The following NDST3 variants were observed in gnomAD, a reference collection of about 807,000 sequenced individuals.
NDST3 encodes bifunctional heparan sulfate N-deacetylase/N-sulfotransferase 3.
NDST3 carries 58 observed loss-of-function variants against 96.1 expected under a neutral mutation model. The observed-to-expected ratio is 0.60, with a 90% CI of 0.49 to 0.75. NDST3 has a LOEUF of 0.75. NDST3 is among the 30% of genes least tolerant of loss of function. The pLI, the probability that NDST3 is intolerant of heterozygous loss-of-function variation, is 0.00. For synonymous variants in NDST3, 333 were observed against 359.7 expected, an observed-to-expected ratio of 0.93 and a Z score of 0.84; for missense variants, 788 against 1,034.2, an observed-to-expected ratio of 0.76 and a Z score of 3.27.
intron 4 of NDST3, among the ~76,000 whole-genome samples, chr4:118,116,851 C>T (rs190276113): frequency 2.4e-4 from 36 of 151,308 alleles, no homozygotes; most frequent in Admixed American, 2.2e-3. Context: ...CAGCCAGACT[C>T]CCTCTCAAAA....
intron 2 of NDST3, among the ~76,000 whole-genome samples, chr4:118,074,749 A>T (rs1727361451): frequency 6.6e-6 from 1 of 152,094 alleles, no homozygotes; most frequent in South Asian, 2.1e-4. Flanking sequence ...TTCAAGGTTA[A>T]TACTGATATG....
chr4:118,091,365 C>G (rs573478274), intron 2 of NDST3, among the ~76,000 whole-genome samples: 1 of 151,654 alleles, frequency 6.6e-6, no homozygotes, highest in Non-Finnish European at 1.5e-5. Flanking sequence ...GCAGATAAAC[C>G]ATAAGATCCC....
chr4:118,084,418 TTTTGTA>T (rs1181936859), intron 2 of NDST3, among the ~76,000 whole-genome samples: 2 of 152,194 alleles, frequency 1.3e-5, no homozygotes, highest in Non-Finnish European at 2.9e-5. Context: ...AAATGCCCCT[TTTTGTA>T]CCAAAGCCTA....
intron 6 of NDST3, among the ~76,000 whole-genome samples, chr4:118,182,833 T>C (rs1360704797): frequency 6.6e-6 from 1 of 152,222 alleles, no homozygotes; most frequent in Non-Finnish European, 1.5e-5. Flanking sequence ...AACAGAAGTC[T>C]GGTAAGAACT....
At chr4:118,058,879 G>T (rs371068785) in intron 2 of NDST3, among the ~76,000 whole-genome samples, 4 of 151,980 alleles carry the variant, frequency 2.6e-5, no homozygotes, top group African/African-American at 9.7e-5. Flanking sequence ...TCTTTTAGGC[G>T]CATTAACTCA....
intron 6 of NDST3, among the ~76,000 whole-genome samples, chr4:118,183,805 A>C (rs1213948242): frequency 1.3e-5 from 2 of 152,204 alleles, no homozygotes; most frequent in Non-Finnish European, 2.9e-5. Context: ...ACATCCTCTT[A>C]ATCGTAAATT....
At chr4:118,135,758 T>G (rs1733028351) in intron 4 of NDST3, among the ~76,000 whole-genome samples, 1 of 152,156 alleles carries the variant, frequency 6.6e-6, no homozygotes, top group Non-Finnish European at 1.5e-5. Context: ...GGTGTGCTGG[T>G]GTGCATTTGT....
intron 6 of NDST3, among the ~76,000 whole-genome samples, chr4:118,145,311 AT>A (rs1224324676): frequency 6.6e-6 from 1 of 152,236 alleles, no homozygotes; most frequent in African/African-American, 2.4e-5. Flanking sequence ...ACTTTAATCT[AT>A]CATCTGTAAA....
At chr4:118,247,842 A>G (rs1193788453) in intron 12 of NDST3, among the ~76,000 whole-genome samples, 1 of 152,222 alleles carries the variant, frequency 6.6e-6, no homozygotes, top group African/African-American at 2.4e-5. Context: ...CTGATTTTAA[A>G]AAACTGCAAT....
chr4:118,103,170 A>G (rs1262404479), intron 2 of NDST3, among the ~76,000 whole-genome samples: 1 of 152,196 alleles, frequency 6.6e-6, no homozygotes, highest in African/African-American at 2.4e-5. Context: ...GTTTGAACAA[A>G]AAGAAAGGCA....
chr4:118,201,380 A>G (rs1370650649), intron 6 of NDST3, among the ~76,000 whole-genome samples: 4 of 152,182 alleles, frequency 2.6e-5, no homozygotes, highest in African/African-American at 7.2e-5. Context: ...CACAGTGGCT[A>G]AACTAATTTA....
chr4:118,237,667 A>C (rs1740731818), intron 10 of NDST3, among the ~76,000 whole-genome samples: 1 of 152,200 alleles, frequency 6.6e-6, no homozygotes, highest in South Asian at 2.1e-4. Flanking sequence ...AAGCAGCCAT[A>C]GACAATATGT....
intron 2 of NDST3, among the ~76,000 whole-genome samples, chr4:118,085,388 T>C (rs1404099029): frequency 6.6e-6 from 1 of 152,176 alleles, no homozygotes; most frequent in African/African-American, 2.4e-5. Context: ...AATTCCTCTA[T>C]AATCTTTATA....
At position 118,192,806 on chromosome 4, in the gene NDST3, G is replaced by A. The variant is rs116585668; in HGVS notation, c.1540-31685G>A. ...TTCATCAACATGCAAAGAAGAGGCT[G>A]AGGGGGTTTGGGGACACAACCTGGC... is the stretch of plus-strand genomic sequence containing the variant. On this transcript the variant is annotated intron_variant, in intron 6 of 13. Coordinates refer to ENST00000296499, the MANE Select transcript of NDST3 (RefSeq NM_004784.3). 4.0e-3 allele frequency among the ~76,000 whole-genome samples: 615 copies of A among 152,154 alleles called. 6 individuals carry two copies. The highest frequency in any genetic ancestry group is 0.014 in the African/African-American group (595 of 41,522).
intron 2 of NDST3, among the ~76,000 whole-genome samples, chr4:118,064,250 T>A (rs1286165965): frequency 6.6e-6 from 1 of 152,162 alleles, no homozygotes; most frequent in Non-Finnish European, 1.5e-5. Flanking sequence ...TATGAAGGCA[T>A]TCCTAACATT....
At chr4:118,109,602 T>C (rs1290248798) in intron 3 of NDST3, among the ~76,000 whole-genome samples, 1 of 152,200 alleles carries the variant, frequency 6.6e-6, no homozygotes, top group African/African-American at 2.4e-5. Context: ...TCTTGTTAGC[T>C]GTGTATAATA....
At chr4:118,053,297 TTGAC>T (rs1438138890) in intron 1 of NDST3, among the ~76,000 whole-genome samples, 1 of 151,978 alleles carries the variant, frequency 6.6e-6, no homozygotes, top group Non-Finnish European at 1.5e-5. Context: ...AATGATAAAA[TTGAC>T]TGTGCCATCG....
chr4:118,222,042 T>G (rs1301625399), intron 6 of NDST3, among the ~76,000 whole-genome samples: 13 of 151,250 alleles, frequency 8.6e-5, no homozygotes, highest in Admixed American at 6.6e-4. Context: ...ACTCTTAAAA[T>G]TGTAAAAGTA....
intron 12 of NDST3, among the ~76,000 whole-genome samples, chr4:118,246,964 T>C (rs1212164624): frequency 6.6e-6 from 1 of 152,198 alleles, no homozygotes; most frequent in African/African-American, 2.4e-5. Flanking sequence ...ATACTGCTAA[T>C]GATAATGCAT....
Sources: allele counts gnomAD v4.1 joint callset (sites outside exome capture counted in the v4.1 genomes callset), GRCh38; gene constraint gnomAD v4.1.1; transcripts MANE v1.5; gene names NCBI Gene and HGNC (gene_info 2026-07-23, HGNC 2026-07-21).